ZNF420: variants seen among roughly 807,000 people sequenced by gnomAD.
The protein encoded by ZNF420 is zinc finger protein 420.
ZNF420 carries 31 observed loss-of-function variants against 44.7 expected under a neutral mutation model. The ratio of observed to expected loss-of-function variants is 0.69; its 90% CI spans 0.52 to 0.94. ZNF420 has a LOEUF of 0.94. ZNF420 is among the 40% of genes least tolerant of loss of function. ZNF420 has a pLI of 0.00. For synonymous variants in ZNF420, 245 were observed against 267.4 expected (o/e 0.92, Z 0.82); for missense variants, 681 against 827.9 (o/e 0.82, Z 2.18).
chr19:37,119,788 G>A (rs1294979373), intron 4 of ZNF420, among the ~76,000 whole-genome samples: 16 of 150,960 alleles, frequency 1.1e-4, no homozygotes, highest in Non-Finnish European at 2.4e-4. Context: ...ATGATAAAGG[G>A]GATATCACCA....
At chr19:37,124,939 C>T (rs181171551) in intron 4 of ZNF420, among the ~76,000 whole-genome samples, 199 of 152,122 alleles carry the variant, frequency 1.3e-3, no homozygotes, top group Non-Finnish European at 2.2e-3. Context: ...CAGGTTCAAG[C>T]GATTCTCCTG....
chr19:37,116,492 TAGGAACAGCTCTGGTCTAC>T (rs1970696090), intron 4 of ZNF420, among the ~76,000 whole-genome samples: 1 of 150,802 alleles, frequency 6.6e-6, no homozygotes, highest in Admixed American at 6.6e-5. Flanking sequence ...GATGGCCAAA[TAGGAACAGCTCTGGTCTAC>T]AGCTCCCAGC....
chr19:37,032,878 A>G (rs1393346320), intron 1 of ZNF420, among the ~76,000 whole-genome samples: 1 of 152,230 alleles, frequency 6.6e-6, no homozygotes, highest in Non-Finnish European at 1.5e-5. Context: ...AAATTGAAAG[A>G]GGGAGCAGAA....
chr19:37,023,645 C>T (rs1206937058), intron 1 of ZNF420, among the ~76,000 whole-genome samples: 9 of 152,248 alleles, frequency 5.9e-5, no homozygotes, highest in South Asian at 4.1e-4. Context: ...GGATTACAGG[C>T]GTGAGCCACT....
At chr19:37,009,566 C>G (rs2074553079) in intron 1 of ZNF420, among the ~76,000 whole-genome samples, 1 of 152,202 alleles carries the variant, frequency 6.6e-6, no homozygotes, top group African/African-American at 2.4e-5. Context: ...CACCCCTGTT[C>G]TTGTTTGCAT....
At chr19:37,063,556 G>A (rs879484665) in intron 1 of ZNF420, among the ~76,000 whole-genome samples, 19 of 63,646 alleles carry the variant, frequency 3.0e-4, no homozygotes, top group Admixed American at 2.4e-3. Flanking sequence ...CCCCTCCCCC[G>A]CCTACCCCCA....
intron 1 of ZNF420, chr19:37,008,217 G>A: frequency 6.5e-6 from 2 of 308,200 alleles, no homozygotes; most frequent in Non-Finnish European, 1.2e-5. Context: ...CCTGGGGCGG[G>A]CGGGGGGGGA....
intron 4 of ZNF420, among the ~76,000 whole-genome samples, chr19:37,111,186 A>C (rs925241767): frequency 6.6e-6 from 1 of 151,198 alleles, no homozygotes; most frequent in African/African-American, 2.4e-5. Context: ...AGCAAAAATC[A>C]AAAGTTGGAG....
intron 4 of ZNF420, among the ~76,000 whole-genome samples, chr19:37,120,833 GACAA>G (rs1398649784): frequency 3.3e-5 from 5 of 152,226 alleles, no homozygotes; most frequent in East Asian, 1.9e-4. Context: ...ATGAATAACA[GACAA>G]ACAGAGAGCC....
chr19:37,054,083 C>A lies in ZNF420; in HGVS notation c.-124-26262C>A, dbSNP rs544811003. On this transcript the variant is annotated intron_variant, in intron 1 of 4. Transcript: ENST00000587029. ...GCTGGCGCCCCTCCCCCAGCCTCGC[C>A]GCCCCCTTGCAGTTTGATCTCAGAC... Among the ~76,000 whole-genome samples the A allele has an allele frequency of 2.6e-5, 4 of 152,168 alleles. No homozygotes were observed. The South Asian group carries it at 8.3e-4, about 32-fold the overall frequency.
At chr19:37,054,533 A>G (rs895605371) in intron 1 of ZNF420, among the ~76,000 whole-genome samples, 2 of 152,196 alleles carry the variant, frequency 1.3e-5, no homozygotes, top group Non-Finnish European at 2.9e-5. Context: ...CTTTTAGTCT[A>G]TGAAGACAAA....
At chr19:37,027,757 G>A (rs1967182748) in intron 1 of ZNF420, among the ~76,000 whole-genome samples, 1 of 152,088 alleles carries the variant, frequency 6.6e-6, no homozygotes, top group Admixed American at 6.6e-5. Context: ...TGCCTTGGTG[G>A]TTCATTTCTT....
chr19:37,099,834 A>G (rs1969668969), intron 4 of ZNF420, among the ~76,000 whole-genome samples: 1 of 152,184 alleles, frequency 6.6e-6, no homozygotes, highest in Non-Finnish European at 1.5e-5. Flanking sequence ...TGTGTTAGCC[A>G]GGATGGTCTC....
chr19:37,014,740 C>A (rs1019287558), intron 1 of ZNF420, among the ~76,000 whole-genome samples: 2 of 152,230 alleles, frequency 1.3e-5, no homozygotes, highest in African/African-American at 4.8e-5. Flanking sequence ...GGACCACCAC[C>A]ATTGCCTGGG....
intron 4 of ZNF420, among the ~76,000 whole-genome samples, chr19:37,126,554 G>T (rs12462276): frequency 2.6e-5 from 4 of 152,136 alleles, no homozygotes; most frequent in Admixed American, 1.3e-4. Context: ...TGAATCAGTT[G>T]ATAGGAAGGA....
At chr19:37,071,626 C>T (rs1968058445) in intron 1 of ZNF420, among the ~76,000 whole-genome samples, 1 of 152,050 alleles carries the variant, frequency 6.6e-6, no homozygotes, top group Non-Finnish European at 1.5e-5. Context: ...CAAGGTGAAA[C>T]CCCATCTCTA....
intron 4 of ZNF420, among the ~76,000 whole-genome samples, chr19:37,106,496 G>T (rs895233034): frequency 2.6e-5 from 4 of 152,080 alleles, no homozygotes; most frequent in Non-Finnish European, 5.9e-5. Flanking sequence ...AACTATTATT[G>T]TGAAGATTAC....
intron 4 of ZNF420, among the ~76,000 whole-genome samples, chr19:37,100,543 T>C (rs979741261): frequency 3.0e-4 from 45 of 151,986 alleles, no homozygotes; most frequent in African/African-American, 9.9e-4. Context: ...CGAAACCCCA[T>C]CTCTACTAAA....
intron 4 of ZNF420, among the ~76,000 whole-genome samples, chr19:37,100,990 A>G (rs1043115532): frequency 6.3e-5 from 7 of 110,700 alleles, no homozygotes; most frequent in African/African-American, 2.4e-4. Context: ...GGTTAAATTT[A>G]TTCCTTTTTT....
Sources: gnomAD v4.1 joint callset for allele counts (sites outside exome capture counted in the v4.1 genomes callset) on GRCh38, gnomAD v4.1.1 for gene constraint, MANE v1.5 for transcripts, NCBI Gene and HGNC (gene_info 2026-07-23, HGNC 2026-07-21) for gene names.